VPS8: variants seen among roughly 807,000 people sequenced by gnomAD.
VPS8 encodes VPS8 subunit of CORVET complex.
VPS8 carries 129 observed loss-of-function variants against 216.4 expected under a neutral mutation model. That is an observed-to-expected ratio of 0.60 (90% CI 0.52 to 0.69). The LOEUF (loss-of-function observed/expected upper bound fraction) is 0.69. Ranked by LOEUF, VPS8 falls within the 30% of genes least tolerant of loss-of-function variation. VPS8 has a pLI of 0.00. For missense variants in VPS8, 1,531 were observed against 1,683.5 expected, an observed-to-expected ratio of 0.91 and a Z score of 1.59; for synonymous variants, 571 against 565.4, an observed-to-expected ratio of 1.01 and a Z score of -0.14.
At chr3:184,846,521 G>T (rs1433803079) in intron 8 of VPS8, among the ~76,000 whole-genome samples, 1 of 152,160 alleles carries the variant, frequency 6.6e-6, no homozygotes, top group Non-Finnish European at 1.5e-5. Context: ...GAAATAGTCC[G>T]ATTTAAAGTA....
At position 184,922,954 on chromosome 3, in the gene VPS8, T is replaced by C. The variant is rs1738907326; in HGVS notation, c.2455-1908T>C. The stretch of plus-strand genomic sequence containing the variant: ...GAGTTGATGAGGGAATTCTCATATA[T>C]ATATAAGAATATATATATATGAGAT... On this transcript the variant is annotated intron_variant, in intron 29 of 47. Coordinates refer to ENST00000625842, the MANE Select transcript of VPS8 (RefSeq NM_001009921.3). 2.6e-5 allele frequency among the ~76,000 whole-genome samples: 4 copies of C among 152,008 alleles called. No homozygotes were observed. In the South Asian group the frequency reaches 8.3e-4, roughly 32 times the overall value.
Position 184,928,440 on chromosome 3 carries a change from T to C in VPS8, c.2632-11T>C. ...CTCAAGTGTTTTTACTCATTTATTG[T>C]AAATACTCAGGTCCTTTTAGAATTG... On this transcript the variant is annotated splice_polypyrimidine_tract_variant and intron_variant, in intron 31 of 47. Transcript: ENST00000625842. 6.5e-7 allele frequency: 1 copy of C among 1,532,568 alleles called. No homozygotes were observed. The highest frequency in any genetic ancestry group is 2.6e-5 in the East Asian group (1 of 38,926). 94.9% of individuals were successfully genotyped at this position (1,532,568 alleles called of 1,614,324 possible).
chr3:184,930,820 A>T (rs534276485), intron 34 of VPS8, among the ~76,000 whole-genome samples: 34 of 152,350 alleles, frequency 2.2e-4, no homozygotes, highest in African/African-American at 8.2e-4. Context: ...ATGCATTTTT[A>T]CAAAGTTCAT....
intron 19 of VPS8, 88 bp from the exon 20 acceptor site, chr3:184,869,394 C>G (rs1727936075): frequency 7.4e-7 from 1 of 1,355,500 alleles, no homozygotes; most frequent in Admixed American, 1.9e-5. Context: ...TGTTGTTTCA[C>G]ATCTTATAAA....
At chr3:185,051,697 G>C (rs1714279742) in intron 47 of VPS8, among the ~76,000 whole-genome samples, 179 bp from the exon 48 acceptor site, 1 of 152,170 alleles carries the variant, frequency 6.6e-6, no homozygotes, top group South Asian at 2.1e-4. Flanking sequence ...AAAAAATGAA[G>C]TGAACTTGCC....
At chr3:184,962,028 C>G (rs1051030616) in intron 37 of VPS8, among the ~76,000 whole-genome samples, 2 of 152,362 alleles carry the variant, frequency 1.3e-5, no homozygotes, top group Admixed American at 1.3e-4. Flanking sequence ...TCCCAAAGTT[C>G]TGGGATTACT....
At position 184,944,390 on chromosome 3, in the gene VPS8, G is replaced by T. The variant is rs532537264; in HGVS notation, c.3035+4147G>T. Reference sequence around the variant, plus strand: ...GCATCCTCTTCCAATTATTTCCTTTGGGACAGCTGCTACGTAAAGCCCGAC... The same window carrying T: ...GCATCCTCTTCCAATTATTTCCTTTTGGACAGCTGCTACGTAAAGCCCGAC... On this transcript the variant is annotated intron_variant, in intron 36 of 47. Transcript: ENST00000625842. 5.1e-5 allele frequency: 20 copies of T among 395,340 alleles called. No homozygotes were observed. The South Asian group carries it at 1.8e-3, about 35-fold the overall frequency. 24.5% of individuals were successfully genotyped at this position (395,340 alleles called of 1,614,324 possible).
intron 7 of VPS8, among the ~76,000 whole-genome samples, chr3:184,841,284 C>CT (rs1011806817): frequency 1.2e-4 from 19 of 152,002 alleles, no homozygotes; most frequent in Non-Finnish European, 1.8e-4. Context: ...ATCTTTTAGT[C>CT]TTTTTTTCTG....
chr3:184,835,657 A>G lies in VPS8; in HGVS notation c.447+915A>G, dbSNP rs1291108562. Among the ~76,000 whole-genome samples the G allele has an allele frequency of 6.6e-5, 10 of 151,828 alleles. No homozygotes were observed. In the East Asian group the frequency reaches 1.9e-3, roughly 29 times the overall value. ...TTTTCATGTTCTTTTTGGGGCATTT[A>G]ATTGGCATTTTGCATATCCAAGTTG... is the stretch of plus-strand genomic sequence containing the variant. On this transcript the variant is annotated intron_variant, in intron 5 of 47. Coordinates refer to ENST00000625842, the MANE Select transcript of VPS8 (RefSeq NM_001009921.3).
rs529499144 is a variant in VPS8, at chr3:184,986,612, T to C, written c.3585+3518T>C. ...AGGTTCATTTTCTTGAGACACTGAATGATCTCAGAGGAATAAACCCTAAAC... is the reference window on the plus strand; with the variant it reads ...AGGTTCATTTTCTTGAGACACTGAACGATCTCAGAGGAATAAACCCTAAAC... On this transcript the variant is annotated intron_variant, in intron 42 of 47. Transcript: ENST00000625842. Among the ~76,000 whole-genome samples the C allele has an allele frequency of 1.1e-3, 168 of 152,334 alleles. No homozygotes were observed. In the Middle Eastern group the frequency reaches 0.014, roughly 12 times the overall value.
intron 37 of VPS8, among the ~76,000 whole-genome samples, chr3:184,963,292 G>T (rs984322793): frequency 6.6e-6 from 1 of 152,064 alleles, no homozygotes; most frequent in Admixed American, 6.6e-5. Context: ...TGACATCTCT[G>T]TAGTGTTGAT....
intron 35 of VPS8, among the ~76,000 whole-genome samples, chr3:184,939,260 T>TA (rs778660178): frequency 9.2e-5 from 14 of 152,152 alleles, no homozygotes; most frequent in Non-Finnish European, 1.6e-4. Flanking sequence ...GAAAGTCATG[T>TA]AAAATAACAC....
In VPS8 at chr3:184,930,490, T is replaced by G; in HGVS notation, c.2820T>G (p.Ile940Met). Residue 940 changes from isoleucine (I) to methionine (M), a missense_variant, in exon 34 of 48, where the codon ATT (isoleucine) becomes ATG (methionine). Ile to Met is a conservative substitution (Grantham distance 10, BLOSUM62 1). This residue lies in a region of VPS8 where 1,318 missense variants were observed against 1,468.4 expected (regional missense o/e 0.90). Transcript: ENST00000625842. ...PLREEEVFNY[I>M]HNILSIPGHS... ...TTCAGGAAGAAGTCTTTAATTACAT[T>G]CACAATATCTTATCCATTCCCGGAC... is the stretch of plus-strand genomic sequence containing the variant. The G allele has an allele frequency of 6.2e-7, 1 of 1,612,696 alleles. No individual in the cohort carries two copies. The highest frequency in any genetic ancestry group is 8.5e-7 in the Non-Finnish European group (1 of 1,178,860).
chr3:184,858,512 A>G (rs1462330556), intron 14 of VPS8, among the ~76,000 whole-genome samples: 1 of 152,156 alleles, frequency 6.6e-6, no homozygotes, highest in Non-Finnish European at 1.5e-5. Flanking sequence ...GGTGCCCTTT[A>G]TAGACTTTTT....
chr3:184,913,680 G>A (rs1736988963), intron 26 of VPS8, 119 bp downstream of exon 26: 2 of 756,402 alleles, frequency 2.6e-6, no homozygotes, highest in East Asian at 6.4e-5. Context: ...ATTCTTTTAT[G>A]TAGAGCAGTG....
chr3:184,823,201 A>T (rs928010113), intron 1 of VPS8, among the ~76,000 whole-genome samples: 48 of 152,216 alleles, frequency 3.2e-4, no homozygotes, highest in African/African-American at 1.0e-3. Flanking sequence ...AACTAATCTC[A>T]GTTCACTTTT....
intron 21 of VPS8, among the ~76,000 whole-genome samples, chr3:184,880,669 A>G (rs945690982): frequency 2.6e-4 from 39 of 152,300 alleles, no homozygotes; most frequent in African/African-American, 8.2e-4. Context: ...TCTTTTCTCT[A>G]GGAGAAATGT....
chr3:184,850,785 A>C (rs1479564143), intron 10 of VPS8, among the ~76,000 whole-genome samples: 6 of 152,214 alleles, frequency 3.9e-5, no homozygotes, highest in Non-Finnish European at 7.3e-5. Flanking sequence ...TGTCATCCGT[A>C]AGTATGCTTT....
At position 184,957,459 on chromosome 3, in the gene VPS8, C is replaced by T. The variant is rs201443606; in HGVS notation, c.3121C>T (p.Pro1041Ser). 56 of 1,612,596 alleles carry T rather than the reference C, an allele frequency of 3.5e-5. No homozygotes were observed. The African/African-American group carries it at 6.8e-4, about 20-fold the overall frequency. The change falls in exon 37 of 48, where the codon CCA (proline) becomes TCA (serine). Residue 1041 changes from proline (P) to serine (S), a missense_variant. Physicochemically the swap from Pro to Ser is moderately conservative, Grantham distance 74. Transcript: ENST00000625842. ...QFIELLCQFNPTQVIETLQVL... is the reference protein window; with the variant it reads ...QFIELLCQFNSTQVIETLQVL... ...CATTGAGCTGTTGTGTCAGTTCAACCCAACCCAAGTTATAGAGACTCTGCA... is the reference window on the plus strand; with the variant it reads ...CATTGAGCTGTTGTGTCAGTTCAACTCAACCCAAGTTATAGAGACTCTGCA...
Sources: gnomAD v4.1 joint callset for allele counts (sites outside exome capture counted in the v4.1 genomes callset) on GRCh38, gnomAD v4.1.1 for gene constraint, gnomAD v4.1.1 regional missense constraint, MANE v1.5 for transcripts, NCBI Gene and HGNC (gene_info 2026-07-23, HGNC 2026-07-21) for gene names.